The following GLIS3 variants were observed in gnomAD, a reference collection of about 807,000 sequenced individuals.
The protein encoded by GLIS3 is zinc finger protein GLIS3.
GLIS3 carries 53 observed loss-of-function variants against 78.6 expected under a neutral mutation model. The observed-to-expected ratio is 0.67, with a 90% CI of 0.54 to 0.85. The LOEUF is 0.85. GLIS3 is among the 40% of genes least tolerant of loss of function. GLIS3 has a pLI of 0.00. For missense variants in GLIS3, 1,703 were observed against 1,231.1 expected (o/e 1.38, Z -5.74); for synonymous variants, 684 against 509.9 (o/e 1.34, Z -4.60).
At chr9:4,330,412 G>T (rs1817667776) in intron 2 of GLIS3, among the ~76,000 whole-genome samples, 1 of 152,210 alleles carries the variant, frequency 6.6e-6, no homozygotes, top group South Asian at 2.1e-4. Context: ...ATTGGTCCAA[G>T]GATCACACTT....
chr9:4,025,139 C>T (rs548353853), intron 4 of GLIS3, among the ~76,000 whole-genome samples: 1 of 152,114 alleles, frequency 6.6e-6, no homozygotes, highest in South Asian at 2.1e-4. Context: ...GTAATCCTCG[C>T]TACTCGGGAG....
Position 4,222,612 on chromosome 9 carries a change from C to T in GLIS3, c.388+63426G>A, listed in dbSNP as rs143565262. On this transcript the variant is annotated intron_variant, in intron 2 of 10. Transcript: ENST00000381971. ...CAGTGTCATTATCTAATGTCAAGTG[C>T]GTGCACAGATCACTAATTTTGCAGG... Among the ~76,000 whole-genome samples the T allele has an allele frequency of 3.3e-3, 507 of 152,240 alleles. 10 individuals are homozygous for T. In the South Asian group the frequency reaches 0.042, roughly 13 times the overall value.
At chr9:3,919,157 T>C (rs1232977221) in intron 6 of GLIS3, among the ~76,000 whole-genome samples, 2 of 151,914 alleles carry the variant, frequency 1.3e-5, no homozygotes, top group South Asian at 2.1e-4. Flanking sequence ...ATGGGGAAAA[T>C]CTACCACCAT....
At chr9:4,379,884 G>C in the GLIS3 span, among the ~76,000 whole-genome samples, 3 of 152,200 alleles carry the variant, frequency 2.0e-5, no homozygotes, top group Admixed American at 6.5e-5. Context: ...GTGTATGTGT[G>C]TGTATGCATC....
chr9:4,225,224 G>A lies in GLIS3; in HGVS notation c.388+60814C>T, dbSNP rs190102112. ...AAGTCTTGCATTTTCCCCTACAACT[G>A]CAAAAGGTTGACTCTCATATACTTC... On this transcript the variant is annotated intron_variant, in intron 2 of 10. Coordinates refer to ENST00000381971, the MANE Select transcript of GLIS3 (RefSeq NM_001042413.2). 1.6e-3 allele frequency among the ~76,000 whole-genome samples: 246 copies of A among 152,134 alleles called. 2 individuals carry two copies. Among genetic ancestry groups the A allele is most frequent in the African/African-American group, 5.4e-3 (224 of 41,508 alleles).
chr9:4,281,093 AT>A (rs764951451), intron 2 of GLIS3, among the ~76,000 whole-genome samples: 1 of 152,216 alleles, frequency 6.6e-6, no homozygotes, highest in Non-Finnish European at 1.5e-5. Context: ...GTTTGAAAAA[AT>A]AATACAAATA....
At chr9:4,396,449 G>C in the GLIS3 span, among the ~76,000 whole-genome samples, 2 of 152,116 alleles carry the variant, frequency 1.3e-5, no homozygotes, top group Non-Finnish European at 2.9e-5. Flanking sequence ...TTTCTAAGCA[G>C]ATACAAACAT....
intron 2 of GLIS3, among the ~76,000 whole-genome samples, chr9:4,189,397 G>T (rs375361763): frequency 1.3e-5 from 2 of 152,154 alleles, no homozygotes; most frequent in East Asian, 3.8e-4. Context: ...ATGTGCTGAG[G>T]AGAGCTTTAC....
At chr9:4,392,515 G>A in the GLIS3 span, among the ~76,000 whole-genome samples, 1 of 152,128 alleles carries the variant, frequency 6.6e-6, no homozygotes, top group South Asian at 2.1e-4. Context: ...AACCCCTTCT[G>A]GGGAAGGGAG....
chr9:4,042,996 A>G (rs1360758824), intron 4 of GLIS3, among the ~76,000 whole-genome samples: 2 of 151,424 alleles, frequency 1.3e-5, no homozygotes, highest in Non-Finnish European at 2.9e-5. Flanking sequence ...AAACCCCAAG[A>G]GTGGCAATCT....
At chr9:4,325,300 C>CT (rs1817583955) in intron 2 of GLIS3, among the ~76,000 whole-genome samples, 1 of 152,124 alleles carries the variant, frequency 6.6e-6, no homozygotes, top group Non-Finnish European at 1.5e-5. Flanking sequence ...GACAAGTTCC[C>CT]CTTGAAACCA....
chr9:4,254,643 C>T (rs570701698), intron 2 of GLIS3, among the ~76,000 whole-genome samples: 288 of 152,014 alleles, frequency 1.9e-3, no homozygotes, highest in African/African-American at 6.5e-3. Flanking sequence ...AGTTCAAGAC[C>T]AGCCTGGCCA....
chr9:3,828,299 C>G lies in GLIS3; in HGVS notation c.2766G>C (p.Gln922His). The change falls in exon 11 of 11, where the codon CAG (glutamine) becomes CAC (histidine). Residue 922 changes from glutamine to histidine, a missense_variant. Physicochemically the swap from Gln to His is conservative, Grantham distance 24. Transcript: ENST00000381971. ...QISTVDRCPSQLSSVYTEG is the reference protein window; with the variant it reads ...QISTVDRCPSHLSSVYTEG ...AGCCTTCGGTGTAGACAGAGGAGAG[C>G]TGGCTAGGACAGCGGTCCACGGTGC... The G allele has an allele frequency of 2.5e-6, 4 of 1,614,154 alleles. No individual in the cohort carries two copies. The highest frequency in any genetic ancestry group is 3.4e-6 in the Non-Finnish European group (4 of 1,180,034).
chr9:4,315,889 G>C (rs1288113973), intron 2 of GLIS3, among the ~76,000 whole-genome samples: 1 of 152,134 alleles, frequency 6.6e-6, no homozygotes, highest in Non-Finnish European at 1.5e-5. Flanking sequence ...AGGCCTCTTA[G>C]AGCAGATATC....
intron 7 of GLIS3, among the ~76,000 whole-genome samples, chr9:3,884,901 C>T (rs567900514): frequency 4.6e-5 from 7 of 152,258 alleles, no homozygotes; most frequent in African/African-American, 1.7e-4. Context: ...TGTGTCAGGG[C>T]CCCTGAACAC....
At chr9:3,917,123 T>G (rs1481936276) in intron 6 of GLIS3, among the ~76,000 whole-genome samples, 1 of 152,228 alleles carries the variant, frequency 6.6e-6, no homozygotes, top group African/African-American at 2.4e-5. Flanking sequence ...AAATGCAGTG[T>G]TGCAATTCCA....
At chr9:4,337,826 G>T (rs942071873) in intron 2 of GLIS3, among the ~76,000 whole-genome samples, 1 of 152,096 alleles carries the variant, frequency 6.6e-6, no homozygotes, top group Non-Finnish European at 1.5e-5. Context: ...CAGATATGTT[G>T]TATCATTTAA....
At chr9:4,317,845 T>C (rs1161736884) in intron 2 of GLIS3, among the ~76,000 whole-genome samples, 1 of 152,218 alleles carries the variant, frequency 6.6e-6, no homozygotes, top group Non-Finnish European at 1.5e-5. Flanking sequence ...AAAAGAGTAC[T>C]CTGTAAACTT....
intron 4 of GLIS3, among the ~76,000 whole-genome samples, chr9:4,019,140 A>G (rs1822666972): frequency 6.6e-6 from 1 of 152,214 alleles, no homozygotes; most frequent in African/African-American, 2.4e-5. Flanking sequence ...TTAGATGAAA[A>G]TATAAAGAAT....
Sources: gnomAD v4.1 joint callset for allele counts (sites outside exome capture counted in the v4.1 genomes callset) on GRCh38, gnomAD v4.1.1 for gene constraint, MANE v1.5 for transcripts, NCBI Gene and HGNC (gene_info 2026-07-23, HGNC 2026-07-21) for gene names.